The following SLC35G2 variants were observed in gnomAD, a reference collection of about 807,000 sequenced individuals.
SLC35G2 encodes the protein solute carrier family 35 member G2.
In SLC35G2, 20 loss-of-function variants were observed where a neutral mutation model predicts 27.2. That is an observed-to-expected ratio of 0.74 (90% CI 0.52 to 1.07). SLC35G2 has a LOEUF of 1.07. Ranked by LOEUF, SLC35G2 falls within the 50% of genes least tolerant of loss-of-function variation. SLC35G2 has a pLI of 0.00. For synonymous variants in SLC35G2, 148 were observed against 165.3 expected (o/e 0.90, Z 0.80); for missense variants, 416 against 493.3 (o/e 0.84, Z 1.48).
At chr3:136,854,183 A>G (rs1937833627) in intron 1 of SLC35G2, among the ~76,000 whole-genome samples, 1 of 152,214 alleles carries the variant, frequency 6.6e-6, no homozygotes, top group African/African-American at 2.4e-5. Flanking sequence ...TGGTATAAAG[A>G]TAGAAGATAG....
chr3:136,847,766 C>T (rs1333732574), intron 1 of SLC35G2, among the ~76,000 whole-genome samples: 5 of 151,836 alleles, frequency 3.3e-5, no homozygotes, highest in Non-Finnish European at 7.4e-5. Context: ...GTCAGGAGTT[C>T]GAGACCAGCC....
chr3:136,846,868 A>C (rs1397845273), intron 1 of SLC35G2, among the ~76,000 whole-genome samples: 1 of 152,186 alleles, frequency 6.6e-6, no homozygotes, highest in Non-Finnish European at 1.5e-5. Flanking sequence ...TAAATTTCTT[A>C]TCTCTAAAAT....
chr3:136,848,638 A>C lies in SLC35G2; in HGVS notation c.-18-5805A>C, dbSNP rs553027356. ...AATTATGTCCTTTGCAGCAACATGG[A>C]TAGAGCTAGAGGCTATTATCCTAAG... On this transcript the variant is annotated intron_variant, in intron 1 of 1. Transcript: ENST00000446465. Among the ~76,000 whole-genome samples the C allele has an allele frequency of 5.9e-5, 9 of 152,336 alleles. No individual in the cohort carries two copies. In the East Asian group the frequency reaches 1.7e-3, roughly 29 times the overall value.
chr3:136,834,219 C>T (rs908080440), intron 1 of SLC35G2, among the ~76,000 whole-genome samples: 3 of 152,040 alleles, frequency 2.0e-5, no homozygotes, highest in African/African-American at 7.3e-5. Flanking sequence ...AACAAATTTA[C>T]ATTGTTGTTA....
Position 136,822,582 on chromosome 3 carries a change from T to A in SLC35G2, c.-19+2954T>A, listed in dbSNP as rs541602467. Among the ~76,000 whole-genome samples, 82 of 152,356 alleles carry A rather than the reference T, an allele frequency of 5.4e-4. 1 individual carries two copies. In the Middle Eastern group the frequency reaches 0.01, roughly 19 times the overall value. On this transcript the variant is annotated intron_variant, in intron 1 of 1. Transcript: ENST00000446465. The stretch of plus-strand genomic sequence containing the variant: ...TGGCTGCCTCAGCCTCCCAAAGTGC[T>A]GGGATTACAGGCGTGAGCCACTGCG...
intron 1 of SLC35G2, among the ~76,000 whole-genome samples, chr3:136,821,359 A>G (rs2107992496): frequency 6.6e-6 from 1 of 152,338 alleles, no homozygotes; most frequent in Admixed American, 6.5e-5. Context: ...TTTTTAAACA[A>G]TCCCATAATG....
chr3:136,849,325 A>G (rs998656244), intron 1 of SLC35G2, among the ~76,000 whole-genome samples: 6 of 152,170 alleles, frequency 3.9e-5, no homozygotes, highest in South Asian at 2.1e-4. Context: ...TTTAATTTAT[A>G]TATATTTTAT....
chr3:136,850,289 C>T (rs1372815769), intron 1 of SLC35G2, among the ~76,000 whole-genome samples: 2 of 152,130 alleles, frequency 1.3e-5, no homozygotes, highest in African/African-American at 2.4e-5. Context: ...AATTTCACAT[C>T]GGTCGACTTA....
chr3:136,830,064 T>C (rs951801973), intron 1 of SLC35G2, among the ~76,000 whole-genome samples: 1 of 151,172 alleles, frequency 6.6e-6, no homozygotes, highest in Non-Finnish European at 1.5e-5. Context: ...AGATTTGCCC[T>C]TTTGAGGCTG....
chr3:136,832,181 T>A (rs1300018605), intron 1 of SLC35G2, among the ~76,000 whole-genome samples: 1 of 152,028 alleles, frequency 6.6e-6, no homozygotes, highest in East Asian at 1.9e-4. Flanking sequence ...GCCTGGCTAA[T>A]TTTTTTGTAT....
intron 1 of SLC35G2, among the ~76,000 whole-genome samples, chr3:136,840,711 C>T (rs760535916): frequency 1.3e-5 from 2 of 151,974 alleles, no homozygotes; most frequent in Non-Finnish European, 2.9e-5. Context: ...GCAACCTCTG[C>T]CTCCCTGGTT....
At chr3:136,830,486 C>T (rs1466112251) in intron 1 of SLC35G2, among the ~76,000 whole-genome samples, 1 of 152,098 alleles carries the variant, frequency 6.6e-6, no homozygotes, top group African/African-American at 2.4e-5. Context: ...GGTTTCACCG[C>T]GTTAGCCAGG....
chr3:136,851,313 T>G (rs1403043874), intron 1 of SLC35G2, among the ~76,000 whole-genome samples: 1 of 150,514 alleles, frequency 6.6e-6, no homozygotes, highest in African/African-American at 2.4e-5. Flanking sequence ...GCTAATACGG[T>G]GAAACCCTGT....
At chr3:136,847,246 G>A (rs960867277) in intron 1 of SLC35G2, among the ~76,000 whole-genome samples, 1 of 152,196 alleles carries the variant, frequency 6.6e-6, no homozygotes, top group Admixed American at 6.5e-5. Context: ...CGTGAATACT[G>A]TTAGTTCCTG....
intron 1 of SLC35G2, among the ~76,000 whole-genome samples, chr3:136,836,502 TAGAG>T (rs1266810853): frequency 6.6e-6 from 1 of 152,206 alleles, no homozygotes; most frequent in Non-Finnish European, 1.5e-5. Context: ...AATTACTTGA[TAGAG>T]AGCCCTTTAT....
At chr3:136,849,257 T>A (rs1937528277) in intron 1 of SLC35G2, among the ~76,000 whole-genome samples, 1 of 151,768 alleles carries the variant, frequency 6.6e-6, no homozygotes, top group South Asian at 2.1e-4. Flanking sequence ...TAAAAAAAAA[T>A]TATGCAATTA....
chr3:136,845,744 C>T (rs191206549), intron 1 of SLC35G2, among the ~76,000 whole-genome samples: 35 of 151,862 alleles, frequency 2.3e-4, no homozygotes, highest in African/African-American at 8.2e-4. Context: ...TATAGGTGCG[C>T]GCCATCACGT....
intron 1 of SLC35G2, chr3:136,838,578 T>C (rs539514209): frequency 3.3e-5 from 5 of 152,338 alleles, no homozygotes; most frequent in East Asian, 1.9e-4. Context: ...GAATCAGTTA[T>C]GATTAAGCCA....
At chr3:136,822,308 ACT>A in intron 1 of SLC35G2, among the ~76,000 whole-genome samples, 1 of 150,590 alleles carries the variant, frequency 6.6e-6, no homozygotes. Context: ...CCATCCTTCT[ACT>A]CTTTTTCTTT....
Sources: allele counts gnomAD v4.1 joint callset (sites outside exome capture counted in the v4.1 genomes callset), GRCh38; gene constraint gnomAD v4.1.1; transcripts MANE v1.5; gene names NCBI Gene and HGNC (gene_info 2026-07-23, HGNC 2026-07-21).